YWHAE: variants seen among roughly 807,000 people sequenced by gnomAD.
YWHAE encodes tyrosine 3-monooxygenase/tryptophan 5-monooxygenase activation protein epsilon, also known as 14-3-3 protein epsilon.
YWHAE carries 4 observed loss-of-function variants against 30.1 expected under a neutral mutation model. The ratio of observed to expected loss-of-function variants is 0.13; its 90% CI spans 0.07 to 0.30. The LOEUF (loss-of-function observed/expected upper bound fraction) is 0.30. Ranked by LOEUF, YWHAE falls within the 10% of genes least tolerant of loss-of-function variation. The pLI is 1.00. For synonymous variants in YWHAE, 118 were observed against 111.8 expected (o/e 1.06, Z -0.35); for missense variants, 121 against 315.9 (o/e 0.38, Z 4.68).
intron 1 of YWHAE, 39 bp downstream of exon 1, chr17:1,400,008 G>A (rs756512415): frequency 1.2e-6 from 2 of 1,611,830 alleles, no homozygotes; most frequent in Admixed American, 1.7e-5. Flanking sequence ...GCGGCAGAGG[G>A]TCCGAGAATT....
At chr17:1,389,706 A>G (rs923151838) in intron 1 of YWHAE, among the ~76,000 whole-genome samples, 3 of 147,212 alleles carry the variant, frequency 2.0e-5, no homozygotes, top group African/African-American at 7.6e-5. Context: ...AATTTTTTGT[A>G]TTTTTAGTAG....
intron 1 of YWHAE, among the ~76,000 whole-genome samples, chr17:1,389,451 T>C (rs984435221): frequency 5.9e-5 from 9 of 152,160 alleles, no homozygotes; most frequent in African/African-American, 2.2e-4. Flanking sequence ...TTTCACAAAA[T>C]TGGTCATAGC....
intron 1 of YWHAE, among the ~76,000 whole-genome samples, chr17:1,386,071 A>C (rs2073296304): frequency 6.6e-6 from 1 of 152,234 alleles, no homozygotes; most frequent in African/African-American, 2.4e-5. Flanking sequence ...CTTTTCCTCA[A>C]GTACTGGATC....
intron 1 of YWHAE, among the ~76,000 whole-genome samples, chr17:1,384,409 C>T (rs2073266431): frequency 6.7e-6 from 1 of 150,010 alleles, no homozygotes; most frequent in Non-Finnish European, 1.5e-5. Context: ...GATTTATGCT[C>T]GACCGGGCGC....
intron 1 of YWHAE, among the ~76,000 whole-genome samples, chr17:1,388,203 T>G (rs1318206152): frequency 1.4e-5 from 2 of 139,060 alleles, no homozygotes; most frequent in African/African-American, 5.4e-5. Context: ...CCTCGTGATC[T>G]GCCCTCCTCG....
intron 5 of YWHAE, 110 bp downstream of exon 5, chr17:1,354,101 G>T: frequency 7.3e-7 from 1 of 1,374,778 alleles, no homozygotes; most frequent in Non-Finnish European, 9.8e-7. Context: ...AGGGCAGGCG[G>T]TGAATCTAAA....
At chr17:1,360,504 G>A (rs918851855) in intron 4 of YWHAE, among the ~76,000 whole-genome samples, 6 of 152,060 alleles carry the variant, frequency 3.9e-5, no homozygotes, top group Non-Finnish European at 8.8e-5. Context: ...ACTCATGCTT[G>A]TAATCTCAGC....
chr17:1,384,724 G>T (rs771246884), intron 1 of YWHAE, among the ~76,000 whole-genome samples: 1 of 151,902 alleles, frequency 6.6e-6, no homozygotes, highest in Non-Finnish European at 1.5e-5. Flanking sequence ...ACTGCGCCCA[G>T]CCCAGAGTTT....
intron 4 of YWHAE, among the ~76,000 whole-genome samples, chr17:1,359,906 A>G (rs1369413727): frequency 1.6e-5 from 1 of 61,260 alleles, no homozygotes; most frequent in Non-Finnish European, 3.1e-5. Flanking sequence ...ACGGGGAGAG[A>G]GAGGGAGACG....
At chr17:1,377,847 G>A (rs1446230846) in intron 1 of YWHAE, among the ~76,000 whole-genome samples, 14 of 152,098 alleles carry the variant, frequency 9.2e-5, no homozygotes, top group African/African-American at 2.7e-4. Flanking sequence ...TCAGGAGTTC[G>A]AGACCAGCCT....
intron 1 of YWHAE, among the ~76,000 whole-genome samples, chr17:1,384,438 TC>T (rs907645104): frequency 6.6e-6 from 1 of 151,334 alleles, no homozygotes; most frequent in Non-Finnish European, 1.5e-5. Flanking sequence ...ACGCCTGTAA[TC>T]CCAGCACTTT....
chr17:1,384,527 T>G (rs947791642), intron 1 of YWHAE, among the ~76,000 whole-genome samples: 33 of 78,212 alleles, frequency 4.2e-4, no homozygotes, highest in Non-Finnish European at 5.8e-4. Flanking sequence ...CTGTCTCTAC[T>G]AAAAATACAA....
chr17:1,345,444 G>A lies in YWHAE; in HGVS notation c.*3C>T. The A allele has an allele frequency of 6.2e-7, 1 of 1,613,854 alleles. No individual in the cohort carries two copies. Among genetic ancestry groups the A allele is most frequent in the Admixed American group, 1.7e-5 (1 of 59,988 alleles). ...GAGATGGTTTCTCTTGTTGGCTTAT[G>A]TCTCACTGATTTTCGTCTTCCACGT... On this transcript the variant is annotated 3_prime_UTR_variant, in exon 6 of 6. Coordinates refer to ENST00000264335, the MANE Select transcript of YWHAE (RefSeq NM_006761.5).
chr17:1,365,688 C>T (rs576634254), intron 1 of YWHAE, among the ~76,000 whole-genome samples: 48 of 152,276 alleles, frequency 3.2e-4, no homozygotes, highest in Non-Finnish European at 6.2e-4. Flanking sequence ...CGTGTGAATG[C>T]AAAGCGCCAC....
At chr17:1,361,761 C>A in intron 3 of YWHAE, 141 bp downstream of exon 3, 1 of 577,612 alleles carries the variant, frequency 1.7e-6, no homozygotes, top group South Asian at 3.2e-5. Context: ...GCCCAACCAC[C>A]TTTTCATTAC....
chr17:1,356,635 A>G (rs1176527482), intron 4 of YWHAE, among the ~76,000 whole-genome samples: 1 of 152,162 alleles, frequency 6.6e-6, no homozygotes. Flanking sequence ...TACGATCCCT[A>G]TCTGGACAAA....
intron 1 of YWHAE, among the ~76,000 whole-genome samples, chr17:1,384,488 A>G (rs112059602): frequency 0.038 from 5,713 of 150,064 alleles, 331 homozygotes; most frequent in African/African-American, 0.12. Context: ...TCAGGAGATC[A>G]AGACCATCCT....
At chr17:1,395,007 T>C (rs915162296) in intron 1 of YWHAE, among the ~76,000 whole-genome samples, 2 of 152,104 alleles carry the variant, frequency 1.3e-5, no homozygotes, top group African/African-American at 2.4e-5. Flanking sequence ...TACTCCATGC[T>C]TGTCATTACT....
intron 1 of YWHAE, among the ~76,000 whole-genome samples, chr17:1,395,649 C>CAA (rs147216530): frequency 0.068 from 10,371 of 152,236 alleles, 1,182 homozygotes; most frequent in African/African-American, 0.24. Flanking sequence ...GGCCTACAGT[C>CAA]AAAGAACTGG....
Sources: allele counts gnomAD v4.1 joint callset (sites outside exome capture counted in the v4.1 genomes callset), GRCh38; gene constraint gnomAD v4.1.1; transcripts MANE v1.5; gene names NCBI Gene and HGNC (gene_info 2026-07-23, HGNC 2026-07-21).